SMCHD1: variants seen among roughly 807,000 people sequenced by gnomAD.
SMCHD1 encodes the protein structural maintenance of chromosomes flexible hinge domain containing 1.
A neutral mutation model predicts 254.7 loss-of-function variants in SMCHD1; 78 were observed. That is an observed-to-expected ratio of 0.31 (90% CI 0.26 to 0.37). SMCHD1 has a LOEUF of 0.37. Ranked by LOEUF, SMCHD1 falls within the 10% of genes least tolerant of loss-of-function variation. SMCHD1 has a pLI of 1.00. For synonymous variants in SMCHD1, 766 were observed against 794.9 expected (o/e 0.96, Z 0.61); for missense variants, 1,840 against 2,408.1 (o/e 0.76, Z 4.94).
rs752948457 is a variant in SMCHD1, at chr18:2,722,674, G to T, written c.2603+11G>T. On this transcript the variant is annotated intron_variant, in intron 20 of 47. Transcript: ENST00000320876. ...AGTTCTTGAAGCAAGGTAATTTGAA[G>T]GATCAATATGTATTTGTCCTTTGAT... 3.9e-5 allele frequency: 63 copies of T among 1,600,008 alleles called. No individual in the cohort carries two copies. The highest frequency in any genetic ancestry group is 4.5e-5 in the Non-Finnish European group (53 of 1,175,122).
In SMCHD1 at chr18:2,673,500, A is replaced by G. The variant is rs138332007; in HGVS notation, c.507+137A>G. 1.2e-3 allele frequency: 852 copies of G among 714,420 alleles called. 4 individuals carry two copies. The African/African-American group carries it at 0.014, about 12-fold the overall frequency. 44.3% of individuals were successfully genotyped at this position (714,420 alleles called of 1,614,324 possible). The stretch of plus-strand genomic sequence containing the variant: ...AGATATCTCTTCATCCATTGTTAAA[A>G]TTTTTTCACGTTTTTTTCCTATGCA... On this transcript the variant is annotated intron_variant, in intron 4 of 47. Coordinates refer to ENST00000320876, the MANE Select transcript of SMCHD1 (RefSeq NM_015295.3).
rs776580571 is a variant in SMCHD1, at chr18:2,697,884, A to G, written c.1185A>G (p.Ile395Met). Residue 395 changes from isoleucine to methionine, a missense_variant, in exon 10 of 48, where the codon ATA (isoleucine) becomes ATG (methionine). Physicochemically the swap from Ile to Met is conservative, Grantham distance 10. Around this residue, in one of 9 missense-constraint regions of SMCHD1, gnomAD observed 498 missense variants for 743.5 expected, o/e 0.67. Coordinates refer to ENST00000320876, the MANE Select transcript of SMCHD1 (RefSeq NM_015295.3). ...CTAAGATTGTCAACCTAAGGGAAAT[A>G]CAAGACGACATGCAGACGTTGTATG... ...KVPKIVNLREIQDDMQTLYVN... is the reference protein window; with the variant it reads ...KVPKIVNLREMQDDMQTLYVN... 2 of 1,613,636 alleles carry G rather than the reference A, an allele frequency of 1.2e-6. No homozygotes were observed. The highest frequency in any genetic ancestry group is 1.7e-5 in the Admixed American group (1 of 60,008).
intron 23 of SMCHD1, 60 bp from the exon 24 acceptor site, chr18:2,729,215 T>G: frequency 7.7e-7 from 1 of 1,297,452 alleles, no homozygotes; most frequent in African/African-American, 1.5e-5. Flanking sequence ...CTTTGAACAA[T>G]TACGGAAGAA....
chr18:2,796,294 C>T, intron 46 of SMCHD1, 113 bp from the exon 47 acceptor site: 1 of 836,554 alleles, frequency 1.2e-6, no homozygotes, highest in Non-Finnish European at 1.8e-6. Context: ...TAGGCATTCT[C>T]AGTATACTTT....
chr18:2,788,125 A>G (rs2076267626), intron 45 of SMCHD1, among the ~76,000 whole-genome samples: 1 of 152,140 alleles, frequency 6.6e-6, no homozygotes. Flanking sequence ...TCAGAGCAAA[A>G]GCAATTTTGA....
At chr18:2,674,368 A>G (rs1298966898) in intron 5 of SMCHD1, among the ~76,000 whole-genome samples, 1 of 152,148 alleles carries the variant, frequency 6.6e-6, no homozygotes, top group East Asian at 1.9e-4. Flanking sequence ...TTCCTGAGGT[A>G]TGTAGGAGTT....
intron 5 of SMCHD1, among the ~76,000 whole-genome samples, chr18:2,680,799 T>G (rs1212336483): frequency 6.6e-6 from 1 of 152,222 alleles, no homozygotes; most frequent in East Asian, 1.9e-4. Context: ...CAGACAGCTG[T>G]TAATGATAAA....
At chr18:2,778,270 G>A (rs2076099167) in intron 44 of SMCHD1, 31 bp downstream of exon 44, 1 of 1,489,318 alleles carries the variant, frequency 6.7e-7, no homozygotes, top group Admixed American at 1.9e-5. Context: ...TAAATTTGTA[G>A]ACTTCAGTTT....
intron 14 of SMCHD1, 57 bp downstream of exon 14, chr18:2,705,864 T>G: frequency 3.8e-6 from 4 of 1,047,824 alleles, no homozygotes; most frequent in Non-Finnish European, 5.8e-6. Flanking sequence ...TTTTGCATAA[T>G]TGTTAAGATA....
chr18:2,748,245 T>G (rs2075494868), intron 30 of SMCHD1, among the ~76,000 whole-genome samples: 1 of 151,884 alleles, frequency 6.6e-6, no homozygotes, highest in African/African-American at 2.4e-5. Flanking sequence ...CATTTATTCC[T>G]ATGAGTATTG....
rs545068536 is a variant in SMCHD1, at chr18:2,769,580, G to T, written c.4720-114G>T. The T allele has an allele frequency of 1.7e-5, 19 of 1,103,092 alleles. No homozygotes were observed. The South Asian group carries it at 2.4e-4, about 14-fold the overall frequency. 68.3% of individuals were successfully genotyped at this position (1,103,092 alleles called of 1,614,324 possible). ...TCTTAAGGATCAGCCTATGCCTTTG[G>T]CCTTTAAAATTAACCACTTACTTGA... On this transcript the variant is annotated intron_variant, in intron 37 of 47. Transcript: ENST00000320876.
chr18:2,737,688 C>T (rs2075276196), intron 25 of SMCHD1, among the ~76,000 whole-genome samples: 1 of 152,050 alleles, frequency 6.6e-6, no homozygotes, highest in Non-Finnish European at 1.5e-5. Context: ...ACCTGGGCTA[C>T]AGAGTGAGAC....
intron 47 of SMCHD1, chr18:2,796,821 A>C: frequency 3.5e-6 from 1 of 282,918 alleles, no homozygotes; most frequent in Non-Finnish European, 6.6e-6. Context: ...GACCTCAAGC[A>C]GTCTGCCTGT....
intron 5 of SMCHD1, among the ~76,000 whole-genome samples, chr18:2,678,438 C>A (rs575893339): frequency 7.2e-5 from 11 of 151,944 alleles, no homozygotes; most frequent in African/African-American, 2.7e-4. Context: ...GCTTGGCTTA[C>A]AGGCACATGC....
intron 5 of SMCHD1, among the ~76,000 whole-genome samples, chr18:2,682,421 G>C (rs1196999666): frequency 2.0e-5 from 3 of 151,614 alleles, no homozygotes; most frequent in Non-Finnish European, 2.9e-5. Flanking sequence ...TGCCTCCCAG[G>C]TTCAAGCAGT....
At chr18:2,675,908 T>C (rs550561879) in intron 5 of SMCHD1, among the ~76,000 whole-genome samples, 1 of 152,354 alleles carries the variant, frequency 6.6e-6, no homozygotes, top group Admixed American at 6.5e-5. Flanking sequence ...CAAAAATCTT[T>C]TTGCTGCTGG....
In SMCHD1 at chr18:2,803,411, T is replaced by C. The variant is rs1336241871; in HGVS notation, c.*859T>C. On this transcript the variant is annotated 3_prime_UTR_variant, in exon 48 of 48. Coordinates refer to ENST00000320876, the MANE Select transcript of SMCHD1 (RefSeq NM_015295.3). The stretch of plus-strand genomic sequence containing the variant: ...AGTGTACTTTCTGGTAGAAAGTTGC[T>C]GCAAAAACATTTGAAATGTATATTA... 1 of 151,886 alleles carries C rather than the reference T, an allele frequency of 6.6e-6. No homozygotes were observed. The highest frequency in any genetic ancestry group is 1.5e-5 in the Non-Finnish European group (1 of 67,932). 9.4% of individuals were successfully genotyped at this position (151,886 alleles called of 1,614,324 possible). A position where few individuals can be genotyped will look rare whatever the true frequency, so the allele number is the denominator to read the frequency against.
At chr18:2,770,849 T>A (rs112062730) in intron 39 of SMCHD1, among the ~76,000 whole-genome samples, 1 of 152,036 alleles carries the variant, frequency 6.6e-6, no homozygotes, top group Admixed American at 6.5e-5. Flanking sequence ...TCGAACTTCT[T>A]ACCTCAAGTG....
At chr18:2,690,401 A>C (rs1850295862) in intron 7 of SMCHD1, among the ~76,000 whole-genome samples, 1 of 152,210 alleles carries the variant, frequency 6.6e-6, no homozygotes, top group African/African-American at 2.4e-5. Flanking sequence ...GTATCTTTGC[A>C]TAACATCTTA....
Sources: allele counts gnomAD v4.1 joint callset (sites outside exome capture counted in the v4.1 genomes callset), GRCh38; gene constraint gnomAD v4.1.1; regional missense constraint gnomAD v4.1.1; transcripts MANE v1.5; gene names NCBI Gene and HGNC (gene_info 2026-07-23, HGNC 2026-07-21).